Variants in KLF8 observed in about 807,000 individuals in gnomAD.
KLF8 encodes Krueppel-like factor 8.
In KLF8, 10 loss-of-function variants were observed where a neutral mutation model predicts 18.2. The ratio of observed to expected loss-of-function variants is 0.55; its 90% CI spans 0.34 to 0.93. The LOEUF is 0.93. Ranked by LOEUF, KLF8 falls within the 40% of genes least tolerant of loss-of-function variation. The probability of loss-of-function intolerance (pLI) is 0.02; values close to 1 mark genes in which losing one functional copy is unlikely to be tolerated. For missense variants in KLF8, 264 were observed against 277.9 expected, an observed-to-expected ratio of 0.95 and a Z score of 0.36; for synonymous variants, 109 against 97.3, an observed-to-expected ratio of 1.12 and a Z score of -0.71.
chrX:56,078,921 T>C, the KLF8 span, among the ~76,000 whole-genome samples: 1 of 111,606 alleles, frequency 9.0e-6, no homozygotes, highest in Non-Finnish European at 1.9e-5. Flanking sequence ...TTTTCTAGTT[T>C]ATTTGCGTAG....
chrX:56,148,738 C>T, the KLF8 span, among the ~76,000 whole-genome samples: 5 of 111,397 alleles, frequency 4.5e-5, no homozygotes, highest in Admixed American at 2.9e-4. Flanking sequence ...TGCAGGGGAA[C>T]GCCCCTTTAT....
chrX:56,042,753 T>C, the KLF8 span, among the ~76,000 whole-genome samples: 1 of 111,802 alleles, frequency 8.9e-6, no homozygotes, highest in African/African-American at 3.3e-5. Flanking sequence ...GAGGGGTCTC[T>C]TGAAGACAGC....
the KLF8 span, among the ~76,000 whole-genome samples, chrX:56,199,795 G>A: frequency 9.6e-4 from 107 of 110,958 alleles, no homozygotes; most frequent in Non-Finnish European, 1.9e-3. Flanking sequence ...TGTTTATTGC[G>A]GCACTATTCA....
At chrX:55,958,009 G>A in the KLF8 span, among the ~76,000 whole-genome samples, 44 of 111,860 alleles carry the variant, frequency 3.9e-4, no homozygotes, top group African/African-American at 1.4e-3. Flanking sequence ...TTAGATGCAG[G>A]AATAGAAAAA....
chrX:55,961,422 G>A, the KLF8 span: 1 of 527,476 alleles, frequency 1.9e-6, no homozygotes, highest in Non-Finnish European at 3.5e-6. Context: ...ATAATGGAAA[G>A]CCTTACATGC....
At chrX:56,094,367 G>A in the KLF8 span, among the ~76,000 whole-genome samples, 1 of 111,000 alleles carries the variant, frequency 9.0e-6, no homozygotes, top group Non-Finnish European at 1.9e-5. Context: ...CAGTTATCAA[G>A]ACATGCATTA....
chrX:56,010,512 T>A, the KLF8 span, among the ~76,000 whole-genome samples: 3,969 of 111,292 alleles, frequency 0.036, 204 homozygotes, highest in African/African-American at 0.12. Context: ...AAAAACACAA[T>A]GAAATACAAT....
chrX:56,157,062 G>C, the KLF8 span, among the ~76,000 whole-genome samples: 46 of 102,489 alleles, frequency 4.5e-4, no homozygotes, highest in African/African-American at 1.8e-3. Flanking sequence ...CCATAAAAAA[G>C]GATGAGTTCA....
the KLF8 span, among the ~76,000 whole-genome samples, chrX:56,081,690 A>G: frequency 3.6e-5 from 4 of 111,899 alleles, no homozygotes; most frequent in Non-Finnish European, 5.6e-5. Context: ...TTATGAAAGT[A>G]TGTTAGATTT....
the KLF8 span, among the ~76,000 whole-genome samples, chrX:56,168,210 A>G: frequency 8.9e-6 from 1 of 112,439 alleles, no homozygotes; most frequent in African/African-American, 3.2e-5. Flanking sequence ...TGATGAACAA[A>G]TTCAGTAAAC....
the KLF8 span, among the ~76,000 whole-genome samples, chrX:56,076,858 C>T: frequency 8.9e-6 from 1 of 111,965 alleles, no homozygotes; most frequent in Non-Finnish European, 1.9e-5. Flanking sequence ...TGATATCTCA[C>T]TGTGGTTTTG....
the KLF8 span, among the ~76,000 whole-genome samples, chrX:56,027,078 A>G: frequency 4.4e-5 from 5 of 112,935 alleles, no homozygotes; most frequent in African/African-American, 1.6e-4. Flanking sequence ...AGTTTCATAT[A>G]CAGCCAGCAC....
At chrX:55,997,726 C>T in the KLF8 span, among the ~76,000 whole-genome samples, 15 of 111,978 alleles carry the variant, frequency 1.3e-4, no homozygotes, top group African/African-American at 4.9e-4. Flanking sequence ...TTCCTTTTCG[C>T]TTTTGTTCTT....
the KLF8 span, among the ~76,000 whole-genome samples, chrX:56,175,499 G>A: frequency 3.9e-3 from 441 of 111,665 alleles, no homozygotes; most frequent in African/African-American, 0.013. Flanking sequence ...CATTTGCTGA[G>A]GAGTGCTTTA....
At chrX:55,914,432 C>A in the KLF8 span, among the ~76,000 whole-genome samples, 1 of 111,804 alleles carries the variant, frequency 8.9e-6, no homozygotes, top group African/African-American at 3.2e-5. Flanking sequence ...TTAATATATG[C>A]CATGGACCAT....
the KLF8 span, among the ~76,000 whole-genome samples, chrX:56,136,720 A>G: frequency 9.0e-6 from 1 of 111,717 alleles, no homozygotes; most frequent in Non-Finnish European, 1.9e-5. Flanking sequence ...TAAAACGCCA[A>G]AAGCAATGGC....
At chrX:56,048,857 G>T in the KLF8 span, among the ~76,000 whole-genome samples, 1 of 111,555 alleles carries the variant, frequency 9.0e-6, no homozygotes, top group Admixed American at 9.5e-5. Flanking sequence ...ATTACCTTGG[G>T]CAGTATGGCC....
chrX:55,921,157 A>G, the KLF8 span, among the ~76,000 whole-genome samples: 11 of 112,613 alleles, frequency 9.8e-5, no homozygotes, highest in Non-Finnish European at 2.1e-4. Flanking sequence ...TTCAGCATAT[A>G]CAAGGAACTT....
chrX:55,990,146 A>G, the KLF8 span, among the ~76,000 whole-genome samples: 1 of 111,641 alleles, frequency 9.0e-6, no homozygotes, highest in Admixed American at 9.5e-5. Context: ...GATCTTTTCA[A>G]AAAACCAGCT....
Sources: gnomAD v4.1 joint callset for allele counts (sites outside exome capture counted in the v4.1 genomes callset) on GRCh38, gnomAD v4.1.1 for gene constraint, MANE v1.5 for transcripts, NCBI Gene and HGNC (gene_info 2026-07-23, HGNC 2026-07-21) for gene names.